SYMPK: variants seen among roughly 807,000 people sequenced by gnomAD.
SYMPK encodes symplekin scaffold protein, also known as symplekin.
Under a neutral mutation model 136.4 loss-of-function variants are expected in SYMPK, and 49 were observed. The observed-to-expected ratio is 0.36, with a 90% CI of 0.29 to 0.46. The LOEUF is 0.46. Among genes scored for constraint, SYMPK ranks in the 20% least tolerant of loss-of-function variants. The probability of loss-of-function intolerance (pLI) is 1.00; values close to 1 mark genes in which losing one functional copy is unlikely to be tolerated. For synonymous variants in SYMPK, 766 were observed against 713.0 expected (o/e 1.07, Z -1.19); for missense variants, 1,365 against 1,690.0 (o/e 0.81, Z 3.37).
intron 19 of SYMPK, 116 bp downstream of exon 19, chr19:45,823,651 G>A (rs1970962638): frequency 2.0e-6 from 2 of 1,018,682 alleles, no homozygotes; most frequent in African/African-American, 1.6e-5. Flanking sequence ...CCTAGGACAG[G>A]CACAGACCCG....
intron 25 of SYMPK, 108 bp downstream of exon 25, chr19:45,816,374 G>C (rs1600485981): frequency 1.1e-5 from 15 of 1,417,588 alleles, no homozygotes; most frequent in East Asian, 9.9e-5. Context: ...CAGAGGCAGG[G>C]GTGGCCTGAG....
At chr19:45,823,526 A>T in intron 19 of SYMPK, 54 bp from the exon 20 acceptor site, 1 of 1,546,610 alleles carries the variant, frequency 6.5e-7, no homozygotes. Flanking sequence ...AGCGTGGGAA[A>T]GGGTGGGCAC....
chr19:45,858,594 CA>C (rs1971888553), intron 1 of SYMPK, among the ~76,000 whole-genome samples: 1 of 152,170 alleles, frequency 6.6e-6, no homozygotes, highest in African/African-American at 2.4e-5. Flanking sequence ...CAGCTCACAG[CA>C]ACCTCTGCCT....
chr19:45,845,749 A>AT (rs1971544805), intron 7 of SYMPK, among the ~76,000 whole-genome samples: 1 of 152,284 alleles, frequency 6.6e-6, no homozygotes, highest in African/African-American at 2.4e-5. Flanking sequence ...TGGTAGCTCA[A>AT]TTTTTAATTT....
In SYMPK at chr19:45,827,891, C is replaced by T. The variant is rs773983225; in HGVS notation, c.2013G>A (p.Ala671=). 4.8e-5 allele frequency: 78 copies of T among 1,613,812 alleles called. No homozygotes were observed. Among genetic ancestry groups the T allele is most frequent in the Non-Finnish European group, 6.1e-5 (72 of 1,180,024 alleles). ...DGIFTKVVLE[A]PLITESALEV... is the part of the protein sequence containing the mutation. ...CCAGGGCACTCTCTGTGATGAGTGG[C>T]GCCTCCAGCACAACCTTGGTGAAGA... Residue 671 remains alanine (A), a synonymous_variant, in exon 15 of 27, where the codon GCG becomes GCA. Coordinates refer to ENST00000245934, the MANE Select transcript of SYMPK (RefSeq NM_004819.3).
At chr19:45,855,943 C>T (rs1971812234) in intron 1 of SYMPK, 1 of 152,050 alleles carries the variant, frequency 6.6e-6, no homozygotes, top group East Asian at 1.9e-4. Context: ...GCCCTCCAGC[C>T]TGGGCAGCAG....
chr19:45,817,945 C>T lies in SYMPK; in HGVS notation c.3081+14G>A, dbSNP rs759593511. On this transcript the variant is annotated intron_variant, in intron 23 of 26. Transcript: ENST00000245934. ...GTCTGCAGCCTGGAGGCGGGGTGGCCGGGGATGGGTTACCTGCTTCATGAT... is the reference window on the plus strand; with the variant it reads ...GTCTGCAGCCTGGAGGCGGGGTGGCTGGGGATGGGTTACCTGCTTCATGAT... The T allele has an allele frequency of 7.7e-6, 12 of 1,552,212 alleles. No homozygotes were observed. The highest frequency in any genetic ancestry group is 1.7e-4 in the Middle Eastern group (1 of 5,954).
chr19:45,835,329 C>T (rs567917003), intron 10 of SYMPK, 101 bp from the exon 11 acceptor site: 115 of 1,196,330 alleles, frequency 9.6e-5, no homozygotes, highest in Non-Finnish European at 1.2e-4. Flanking sequence ...TGCCTAAGAC[C>T]GACTTGGGCC....
Position 45,858,475 on chromosome 19 carries a change from T to G in SYMPK, c.-12-3968A>C, listed in dbSNP as rs77686356. ...CTTCCCTCTTCATTTCCTTCAGGTC[T>G]CCACTCACATGTCTCTGCAGTAAGG... On this transcript the variant is annotated intron_variant, in intron 1 of 26. Coordinates refer to ENST00000245934, the MANE Select transcript of SYMPK (RefSeq NM_004819.3). Among the ~76,000 whole-genome samples the G allele has an allele frequency of 8.0e-3, 1,213 of 152,220 alleles. 18 individuals carry two copies. Among genetic ancestry groups the G allele is most frequent in the Non-Finnish European group, 7.6e-3 (515 of 68,014 alleles).
intron 9 of SYMPK, among the ~76,000 whole-genome samples, chr19:45,841,076 C>G (rs1971423614): frequency 1.3e-5 from 2 of 151,844 alleles, no homozygotes; most frequent in Admixed American, 1.3e-4. Flanking sequence ...ACCACTGCCC[C>G]CAGTTCAAGC....
intron 16 of SYMPK, among the ~76,000 whole-genome samples, chr19:45,827,164 C>T (rs1971060125): frequency 6.6e-6 from 1 of 152,154 alleles, no homozygotes; most frequent in African/African-American, 2.4e-5. Flanking sequence ...TGGGCAATGC[C>T]CTCAGGCCCC....
intron 23 of SYMPK, chr19:45,817,185 GGAA>G (rs964880460): frequency 3.7e-6 from 2 of 540,972 alleles, no homozygotes; most frequent in African/African-American, 4.0e-5. Context: ...GGAAGGGGGT[GGAA>G]GAAAACTCAG....
At chr19:45,826,426 C>G in intron 16 of SYMPK, 53 bp from the exon 17 acceptor site, 2 of 1,584,912 alleles carry the variant, frequency 1.3e-6, no homozygotes, top group Admixed American at 1.7e-5. Flanking sequence ...AGAGGAAGAA[C>G]AGCTATTCCT....
Position 45,817,137 on chromosome 19 carries a change from C to T in SYMPK, c.3082-163G>A, listed in dbSNP as rs948891058. On this transcript the variant is annotated intron_variant, in intron 23 of 26. Transcript: ENST00000245934. ...CCGACCTCCCTCCAGAGGCCTTTGTCTTCCCGATCCAGGCGGCTGGACCAC... is the reference window on the plus strand; with the variant it reads ...CCGACCTCCCTCCAGAGGCCTTTGTTTTCCCGATCCAGGCGGCTGGACCAC... 5.2e-5 allele frequency: 35 copies of T among 673,462 alleles called. No homozygotes were observed. The East Asian group carries it at 1.2e-3, about 22-fold the overall frequency. The allele number at this position is 673,462 out of a possible 1,614,324, so 41.7% of individuals were successfully genotyped here.
Position 45,821,105 on chromosome 19 carries a change from C to T in SYMPK, c.2893+279G>A, listed in dbSNP as rs959615812. ...GGTGGGGCTACCCAACTGCTTTAGG[C>T]CCACTCTGTGCCAGGGCACAGCAGG... On this transcript the variant is annotated intron_variant, in intron 22 of 26. Transcript: ENST00000245934. This position sits in a 1 kb window ranked among gnomAD's most constrained non-coding sequence, Gnocchi z 4.4. The T allele has an allele frequency of 1.5e-6, 1 of 672,050 alleles. No individual in the cohort carries two copies. 41.6% of individuals were successfully genotyped at this position (672,050 alleles called of 1,614,324 possible).
rs778369218 is a variant in SYMPK, at chr19:45,821,423, T to C, written c.2854A>G (p.Ile952Val). ...PGELLIALHN[I>V]DSVKCDMKSI... ...TTCATGTCGCACTTCACGGAGTCAATGTTGTGTAATGCGATCAGGAGCTCT... is the reference window on the plus strand; with the variant it reads ...TTCATGTCGCACTTCACGGAGTCAACGTTGTGTAATGCGATCAGGAGCTCT... Residue 952 changes from isoleucine (I) to valine (V), a missense_variant, in exon 22 of 27, where the codon ATT becomes GTT. By Grantham distance (29) the Ile-to-Val change is conservative. Coordinates refer to ENST00000245934, the MANE Select transcript of SYMPK (RefSeq NM_004819.3). The surrounding 1 kb of genome is among the most constrained non-coding windows in gnomAD (Gnocchi z 4.4). 1.5e-5 allele frequency: 25 copies of C among 1,613,682 alleles called. No individual in the cohort carries two copies. The South Asian group carries it at 2.7e-4, about 18-fold the overall frequency.
chr19:45,834,783 T>C (rs1971264851), intron 11 of SYMPK, among the ~76,000 whole-genome samples: 1 of 152,238 alleles, frequency 6.6e-6, no homozygotes, highest in Admixed American at 6.5e-5. Flanking sequence ...TTAATAGTAC[T>C]GTTAAAACAG....
rs374799237 is a variant in SYMPK, at chr19:45,848,788, T to C, written c.388A>G (p.Ile130Val). ...TTGTAGAGCTGGGTCATGGTGAGGA[T>C]AGCCTTCTTCACCACGTTCACATTC... ...DENVNVVKKA[I>V]LTMTQLYKVA... Residue 130 changes from isoleucine (I) to valine (V), a missense_variant, in exon 6 of 27, where the codon ATC (isoleucine) becomes GTC (valine). Coordinates refer to ENST00000245934, the MANE Select transcript of SYMPK (RefSeq NM_004819.3). 10 of 1,613,826 alleles carry C rather than the reference T, an allele frequency of 6.2e-6. No individual in the cohort carries two copies. The highest frequency in any genetic ancestry group is 3.3e-5 in the South Asian group (3 of 91,074).
At chr19:45,824,044 C>T (rs1426231373) in intron 18 of SYMPK, 169 bp from the exon 19 acceptor site, 1 of 496,556 alleles carries the variant, frequency 2.0e-6, no homozygotes, top group Non-Finnish European at 3.7e-6. Context: ...TCAGAAGAAC[C>T]TTGGCATCTC....
Sources: gnomAD v4.1 joint callset for allele counts (sites outside exome capture counted in the v4.1 genomes callset) on GRCh38, gnomAD v4.1.1 for gene constraint, Gnocchi (gnomAD v3.1) non-coding constraint, MANE v1.5 for transcripts, NCBI Gene and HGNC (gene_info 2026-07-23, HGNC 2026-07-21) for gene names.